The following SLAMF1 variants were observed in gnomAD, a reference collection of about 807,000 sequenced individuals.
SLAMF1 encodes signaling lymphocytic activation molecule family member 1, also known as signaling lymphocytic activation molecule.
Under a neutral mutation model 35.1 loss-of-function variants are expected in SLAMF1, and 18 were observed. That is an observed-to-expected ratio of 0.51 (90% CI 0.35 to 0.76). SLAMF1 has a LOEUF of 0.76. SLAMF1 is among the 30% of genes least tolerant of loss of function. The pLI is 0.01. For synonymous variants in SLAMF1, 168 were observed against 157.2 expected, an observed-to-expected ratio of 1.07 and a Z score of -0.51; for missense variants, 392 against 413.0, an observed-to-expected ratio of 0.95 and a Z score of 0.44.
At position 160,637,548 on chromosome 1, in the gene SLAMF1, G is replaced by A; in HGVS notation, c.77-19C>T. The A allele has an allele frequency of 6.4e-7, 1 of 1,570,400 alleles. No individual in the cohort carries two copies. ...CGCCCACCTGTGGGAGGGAGGAGAA[G>A]AGAGTCCCTTATTATTAAGGCCTTT... is the stretch of plus-strand genomic sequence containing the variant. On this transcript the variant is annotated intron_variant, in intron 1 of 6. Coordinates refer to ENST00000302035, the MANE Select transcript of SLAMF1 (RefSeq NM_003037.5).
chr1:160,635,527 A>G (rs546078560), intron 2 of SLAMF1, among the ~76,000 whole-genome samples: 1 of 152,152 alleles, frequency 6.6e-6, no homozygotes, highest in East Asian at 1.9e-4. Context: ...TTATTTAGCA[A>G]CTATTATAGG....
chr1:160,631,062 CTTAAGG>C (rs1660139520), intron 3 of SLAMF1, among the ~76,000 whole-genome samples: 1 of 152,078 alleles, frequency 6.6e-6, no homozygotes. Flanking sequence ...TGTCTTCTGC[CTTAAGG>C]CAAGGATCAT....
At chr1:160,631,803 A>G (rs1057113111) in intron 3 of SLAMF1, among the ~76,000 whole-genome samples, 1 of 152,184 alleles carries the variant, frequency 6.6e-6, no homozygotes, top group African/African-American at 2.4e-5. Context: ...TTGACCTCAA[A>G]CTTCTAGCCT....
intron 4 of SLAMF1, 142 bp from the exon 5 acceptor site, chr1:160,619,991 G>A (rs1370590718): frequency 4.4e-6 from 3 of 677,948 alleles, no homozygotes; most frequent in Non-Finnish European, 8.0e-6. Flanking sequence ...CAGCCCCCCT[G>A]CACATTTGTC....
chr1:160,630,817 A>G (rs1364602117), intron 3 of SLAMF1, among the ~76,000 whole-genome samples: 1 of 152,138 alleles, frequency 6.6e-6, no homozygotes, highest in Non-Finnish European at 1.5e-5. Flanking sequence ...CACCTACAAG[A>G]TAATACAGAG....
chr1:160,611,098 G>A (rs1376566074), intron 6 of SLAMF1, among the ~76,000 whole-genome samples: 1 of 152,192 alleles, frequency 6.6e-6, no homozygotes, highest in Non-Finnish European at 1.5e-5. Flanking sequence ...CCCCTTGTAA[G>A]GAAAACCATT....
In SLAMF1 at chr1:160,637,377, T is replaced by C. The variant is rs1391816796; in HGVS notation, c.229A>G (p.Lys77Glu). 1 of 1,614,180 alleles carries C rather than the reference T, an allele frequency of 6.2e-7. No individual in the cohort carries two copies. The highest frequency in any genetic ancestry group is 1.7e-5 in the Admixed American group (1 of 60,022). The part of the protein sequence containing the change: ...AKSLENSVEN[K>E]IVSLDPSEAG... ...TCGGATGGATCAAGAGACACTATTT[T>C]GTTCTCGACACTGTTCTCCAGTGAT... Residue 77 changes from lysine to glutamate, a missense_variant, in exon 2 of 7, where the codon AAA becomes GAA. Lys to Glu is a moderately conservative substitution (Grantham distance 56). Coordinates refer to ENST00000302035, the MANE Select transcript of SLAMF1 (RefSeq NM_003037.5).
rs1658905722 is a variant in SLAMF1, at chr1:160,610,193, G to A, written c.*555C>T. On this transcript the variant is annotated 3_prime_UTR_variant, in exon 7 of 7. Coordinates refer to ENST00000302035, the MANE Select transcript of SLAMF1 (RefSeq NM_003037.5). ...GCTTCCTTTATACAATAATATCAGAGTGTTTTATGTATAATAAGAAATTCA... is the reference window on the plus strand; with the variant it reads ...GCTTCCTTTATACAATAATATCAGAATGTTTTATGTATAATAAGAAATTCA... 2.5e-6 allele frequency: 1 copy of A among 404,118 alleles called. No homozygotes were observed. Among genetic ancestry groups the A allele is most frequent in the African/African-American group, 2.1e-5 (1 of 47,534 alleles). The allele number at this position is 404,118 out of a possible 1,614,324, so 25.0% of individuals were successfully genotyped here.
intron 4 of SLAMF1, among the ~76,000 whole-genome samples, chr1:160,621,887 TAA>T (rs1659634617): frequency 6.9e-6 from 1 of 145,950 alleles, no homozygotes; most frequent in African/African-American, 2.5e-5. Flanking sequence ...TGTGTGTGTG[TAA>T]AATGGAGGGG....
chr1:160,616,458 T>C (rs760262380), intron 5 of SLAMF1, among the ~76,000 whole-genome samples: 15 of 151,102 alleles, frequency 9.9e-5, no homozygotes, highest in Non-Finnish European at 2.1e-4. Flanking sequence ...ACCAAACTCT[T>C]AACAAAATAT....
chr1:160,624,038 A>G, intron 4 of SLAMF1, 58 bp downstream of exon 4: 9 of 1,224,350 alleles, frequency 7.4e-6, no homozygotes, highest in Non-Finnish European at 1.1e-5. Context: ...CTGTGGAGAG[A>G]GGTCCCCTGC....
At chr1:160,619,065 T>G (rs1400184673) in intron 5 of SLAMF1, among the ~76,000 whole-genome samples, 4 of 152,150 alleles carry the variant, frequency 2.6e-5, no homozygotes, top group Non-Finnish European at 5.9e-5. Flanking sequence ...TTCACATCCT[T>G]TACTCAAGAA....
intron 5 of SLAMF1, among the ~76,000 whole-genome samples, chr1:160,613,285 C>T (rs895243382): frequency 1.3e-5 from 2 of 152,184 alleles, no homozygotes; most frequent in African/African-American, 4.8e-5. Context: ...TTATGGCACT[C>T]TATGCTATAT....
At chr1:160,639,277 G>T (rs778443605) in intron 1 of SLAMF1, among the ~76,000 whole-genome samples, 2 of 151,996 alleles carry the variant, frequency 1.3e-5, no homozygotes, top group Non-Finnish European at 2.9e-5. Context: ...CCAGGCTGGA[G>T]TGCAATGTTG....
At chr1:160,620,042 C>T (rs181092204) in intron 4 of SLAMF1, among the ~76,000 whole-genome samples, 193 bp from the exon 5 acceptor site, 144 of 152,196 alleles carry the variant, frequency 9.5e-4, no homozygotes, top group Non-Finnish European at 1.7e-3. Context: ...CTAGGCCTAT[C>T]TGTGAAATGG....
intron 4 of SLAMF1, among the ~76,000 whole-genome samples, chr1:160,621,106 G>T (rs9282847): frequency 0.026 from 3,917 of 152,240 alleles, 139 homozygotes; most frequent in African/African-American, 0.088. Flanking sequence ...AGTATCCTTT[G>T]TATACATCAT....
At position 160,635,036 on chromosome 1, in the gene SLAMF1, A is replaced by G. The variant is rs945347886; in HGVS notation, c.416-139T>C. Reference sequence around the variant, plus strand: ...GTGATTTATTTCTAGTGGGGAATCTATTGCTTCACACTGTCCATCATGCCC... The same window carrying G: ...GTGATTTATTTCTAGTGGGGAATCTGTTGCTTCACACTGTCCATCATGCCC... On this transcript the variant is annotated intron_variant, in intron 2 of 6. Transcript: ENST00000302035. 2.4e-5 allele frequency: 17 copies of G among 703,332 alleles called. No homozygotes were observed. The African/African-American group carries it at 2.5e-4, about 10-fold the overall frequency. The allele number at this position is 703,332 out of a possible 1,614,324, so 43.6% of individuals were successfully genotyped here. A position where few individuals can be genotyped will look rare whatever the true frequency, so the allele number is the denominator to read the frequency against.
At chr1:160,643,390 A>G (rs1660862861) in intron 1 of SLAMF1, among the ~76,000 whole-genome samples, 1 of 152,170 alleles carries the variant, frequency 6.6e-6, no homozygotes, top group Admixed American at 6.5e-5. Context: ...TCCAGGCTTC[A>G]TGGCACCCTG....
At chr1:160,619,345 G>T (rs914586638) in intron 5 of SLAMF1, among the ~76,000 whole-genome samples, 23 of 152,034 alleles carry the variant, frequency 1.5e-4, no homozygotes, top group African/African-American at 5.6e-4. Flanking sequence ...GAATTTTGAA[G>T]ATCCTACCTT....
Sources: gnomAD v4.1 joint callset for allele counts (sites outside exome capture counted in the v4.1 genomes callset) on GRCh38, gnomAD v4.1.1 for gene constraint, MANE v1.5 for transcripts, NCBI Gene and HGNC (gene_info 2026-07-23, HGNC 2026-07-21) for gene names.